The following PCDHGB1 variants were observed in gnomAD, a reference collection of about 807,000 sequenced individuals.
PCDHGB1 encodes protocadherin gamma subfamily B, 1.
Under a neutral mutation model 56.6 loss-of-function variants are expected in PCDHGB1, and 34 were observed. That is an observed-to-expected ratio of 0.60 (90% confidence interval 0.46 to 0.80). The LOEUF is 0.80. Ranked by LOEUF, PCDHGB1 falls within the 30% of genes least tolerant of loss-of-function variation. The pLI, the probability that PCDHGB1 is intolerant of heterozygous loss-of-function variation, is 0.00. For synonymous variants in PCDHGB1, 561 were observed against 505.9 expected, an observed-to-expected ratio of 1.11 and a Z score of -1.46; for missense variants, 1,278 against 1,204.6, an observed-to-expected ratio of 1.06 and a Z score of -0.90.
Position 141,431,240 on chromosome 5 carries a change from G to A in PCDHGB1, c.2410-63567G>A, listed in dbSNP as rs1402814836. 6 of 1,614,044 alleles carry A rather than the reference G, an allele frequency of 3.7e-6. No individual in the cohort carries two copies. Among genetic ancestry groups the A allele is most frequent in the Non-Finnish European group, 5.1e-6 (6 of 1,180,056 alleles). On this transcript the variant is annotated intron_variant, in intron 1 of 3. Coordinates refer to ENST00000523390, the MANE Select transcript of PCDHGB1 (RefSeq NM_018922.3). The surrounding 1 kb of genome is among the most constrained non-coding windows in gnomAD (Gnocchi z 4.8). Reference sequence around the variant, plus strand: ...CCCTCTACCCCACGCCTGGGATCCGGATATCGGGAAGAACTCTCTGCAGAG... The same window carrying A: ...CCCTCTACCCCACGCCTGGGATCCGAATATCGGGAAGAACTCTCTGCAGAG...
chr5:141,399,797 G>A (rs760211919), intron 1 of PCDHGB1: 1 of 1,613,192 alleles, frequency 6.2e-7, no homozygotes, highest in Non-Finnish European at 8.5e-7. Context: ...AACGCACCGC[G>A]GGTGCTGTAC....
At chr5:141,404,041 A>G in intron 1 of PCDHGB1, 1 of 1,613,936 alleles carries the variant, frequency 6.2e-7, no homozygotes, top group Non-Finnish European at 8.5e-7. Context: ...CACCTCAGGG[A>G]ACAGTAATTC....
intron 1 of PCDHGB1, chr5:141,392,681 G>A (rs892273174): frequency 9.7e-7 from 1 of 1,026,496 alleles, no homozygotes; most frequent in Non-Finnish European, 1.4e-6. Context: ...CTGGACTGCA[G>A]CGAAACCCGA....
At chr5:141,505,081 G>A (rs2099843521) in intron 2 of PCDHGB1, among the ~76,000 whole-genome samples, 3 of 152,146 alleles carry the variant, frequency 2.0e-5, no homozygotes, top group Admixed American at 2.0e-4. Flanking sequence ...AGAATCGCTT[G>A]AACCCAGGAG....
chr5:141,421,272 G>A, intron 1 of PCDHGB1: 1 of 1,612,340 alleles, frequency 6.2e-7, no homozygotes, highest in Non-Finnish European at 8.5e-7. Context: ...GGCTGCTGCT[G>A]CTGCTGTGCA....
intron 1 of PCDHGB1, among the ~76,000 whole-genome samples, chr5:141,379,851 T>G (rs1388767497): frequency 6.7e-6 from 1 of 148,750 alleles, no homozygotes; most frequent in Non-Finnish European, 1.5e-5. Context: ...AACTACCAAA[T>G]TATTGTCTTA....
At chr5:141,446,891 C>A (rs1457416718) in intron 1 of PCDHGB1, among the ~76,000 whole-genome samples, 1 of 152,152 alleles carries the variant, frequency 6.6e-6, no homozygotes, top group Non-Finnish European at 1.5e-5. Context: ...GGGTTCATGG[C>A]TGAGCTACTT....
chr5:141,406,976 A>G (rs773444464), intron 1 of PCDHGB1, among the ~76,000 whole-genome samples: 12 of 152,244 alleles, frequency 7.9e-5, no homozygotes, highest in Non-Finnish European at 1.8e-4. Flanking sequence ...AGTAAATAAC[A>G]TTTCACAAGA....
intron 1 of PCDHGB1, chr5:141,367,582 A>G (rs1339166243): frequency 6.6e-6 from 1 of 150,954 alleles, no homozygotes; most frequent in Admixed American, 6.6e-5. Flanking sequence ...ATATCAGAAA[A>G]GTAGATAAAA....
intron 1 of PCDHGB1, chr5:141,415,403 A>C (rs757508926): frequency 4.3e-6 from 7 of 1,614,082 alleles, no homozygotes; most frequent in Non-Finnish European, 4.2e-6. Context: ...TCCGGCTCGC[A>C]CTTTGTGGGC....
At position 141,374,284 on chromosome 5, in the gene PCDHGB1, C is replaced by A. The variant is rs756823871; in HGVS notation, c.2409+21615C>A. ...TGGCGGAGCACGGAGTCCGCATCGT[C>A]TCCAGAGGTAGGATGCAGCTTTTCT... is the stretch of plus-strand genomic sequence containing the variant. On this transcript the variant is annotated intron_variant, in intron 1 of 3. Transcript: ENST00000523390. The A allele has an allele frequency of 3.7e-6, 6 of 1,613,880 alleles. No individual in the cohort carries two copies. In the Admixed American group the frequency reaches 8.3e-5, roughly 22 times the overall value.
intron 1 of PCDHGB1, chr5:141,383,991 A>G: frequency 6.2e-7 from 1 of 1,613,866 alleles, no homozygotes; most frequent in Non-Finnish European, 8.5e-7. Context: ...CTCTTGGGAC[A>G]GTCATTGCTC....
At chr5:141,500,223 T>G (rs1034982746) in intron 2 of PCDHGB1, among the ~76,000 whole-genome samples, 16 of 145,318 alleles carry the variant, frequency 1.1e-4, no homozygotes, top group African/African-American at 3.4e-4. Context: ...TTTATTTATT[T>G]ATTGATACGT....
At chr5:141,428,532 C>T (rs1561836699) in intron 1 of PCDHGB1, 7 of 277,518 alleles carry the variant, frequency 2.5e-5, no homozygotes, top group Non-Finnish European at 5.0e-5. Context: ...TTAATTTTCT[C>T]ACCATGACAC....
intron 1 of PCDHGB1, chr5:141,356,024 G>C: frequency 1.9e-6 from 3 of 1,613,944 alleles, no homozygotes; most frequent in Non-Finnish European, 2.5e-6. Flanking sequence ...GGAGCCAATG[G>C]AGACGTGACG....
chr5:141,432,887 T>A lies in PCDHGB1; in HGVS notation c.2410-61920T>A, dbSNP rs146168033. On this transcript the variant is annotated intron_variant, in intron 1 of 3. Coordinates refer to ENST00000523390, the MANE Select transcript of PCDHGB1 (RefSeq NM_018922.3). The surrounding 1 kb of genome is among the most constrained non-coding windows in gnomAD (Gnocchi z 6.0). ...CTGCGTCTTCCTGGCCTTCGTCATC[T>A]TGCTGCTGGCGCTCAGGCTGCGGCG... 1.2e-6 allele frequency: 2 copies of A among 1,614,056 alleles called. No homozygotes were observed. Among genetic ancestry groups the A allele is most frequent in the Non-Finnish European group, 1.7e-6 (2 of 1,179,998 alleles).
At chr5:141,411,341 G>A (rs903980826) in intron 1 of PCDHGB1, 4 of 152,064 alleles carry the variant, frequency 2.6e-5, no homozygotes, top group Admixed American at 6.5e-5. Context: ...AGGCTGAATC[G>A]GAAAGTATCA....
At chr5:141,377,577 CAGAATGAGACTTTT>C (rs1211676701) in intron 1 of PCDHGB1, 2 of 148,600 alleles carry the variant, frequency 1.3e-5, no homozygotes, top group African/African-American at 2.5e-5. Context: ...GCCTGGGAGA[CAGAATGAGACTTTT>C]TCTCTCTCTC....
At position 141,485,398 on chromosome 5, in the gene PCDHGB1, C is replaced by T. The variant is rs906016330; in HGVS notation, c.2410-9409C>T. The T allele has an allele frequency of 1.3e-5, 21 of 1,614,044 alleles. No individual in the cohort carries two copies. The highest frequency in any genetic ancestry group is 1.8e-5 in the Non-Finnish European group (21 of 1,179,928). On this transcript the variant is annotated intron_variant, in intron 1 of 3. Coordinates refer to ENST00000523390, the MANE Select transcript of PCDHGB1 (RefSeq NM_018922.3). This position sits in a 1 kb window ranked among gnomAD's most constrained non-coding sequence, Gnocchi z 5.7. ...CTGGAGAGGTGAACCAAAGACACTT[C>T]CGTGTGGATTTGGACAGCGGAGCCC...
Sources: allele counts gnomAD v4.1 joint callset (sites outside exome capture counted in the v4.1 genomes callset), GRCh38; gene constraint gnomAD v4.1.1; non-coding constraint Gnocchi (gnomAD v3.1); transcripts MANE v1.5; gene names NCBI Gene and HGNC (gene_info 2026-07-23, HGNC 2026-07-21).